PRKG1: variants seen among roughly 807,000 people sequenced by gnomAD.
The protein encoded by PRKG1 is cGMP-dependent protein kinase 1.
A neutral mutation model predicts 88.1 loss-of-function variants in PRKG1; 35 were observed. That is an observed-to-expected ratio of 0.40 (90% CI 0.30 to 0.53). The LOEUF (loss-of-function observed/expected upper bound fraction) is 0.53, where lower values mean the gene tolerates loss of function less well. Among genes scored for constraint, PRKG1 ranks in the 20% least tolerant of loss-of-function variants. The pLI, the probability that PRKG1 is intolerant of heterozygous loss-of-function variation, is 0.59. For missense variants in PRKG1, 540 were observed against 839.8 expected (o/e 0.64, Z 4.41); for synonymous variants, 303 against 292.5 (o/e 1.04, Z -0.37).
chr10:51,370,458 GAA>G (rs374505957), intron 2 of PRKG1, among the ~76,000 whole-genome samples: 8 of 150,692 alleles, frequency 5.3e-5, no homozygotes, highest in African/African-American at 2.0e-4. Context: ...ATGGGGTTAA[GAA>G]AGAGAGAGAG....
intron 8 of PRKG1, among the ~76,000 whole-genome samples, chr10:52,140,941 G>A (rs563598013): frequency 4.9e-4 from 74 of 152,208 alleles, no homozygotes; most frequent in African/African-American, 1.7e-3. Flanking sequence ...TAACTAATAG[G>A]ATGATACACT....
At chr10:52,145,707 T>G (rs957125000) in intron 8 of PRKG1, among the ~76,000 whole-genome samples, 1 of 152,176 alleles carries the variant, frequency 6.6e-6, no homozygotes, top group Non-Finnish European at 1.5e-5. Context: ...TTTGCTTACT[T>G]TAGTATTCAC....
At chr10:52,093,649 T>C (rs1847106814) in intron 7 of PRKG1, among the ~76,000 whole-genome samples, 1 of 152,204 alleles carries the variant, frequency 6.6e-6, no homozygotes, top group Non-Finnish European at 1.5e-5. Flanking sequence ...CAGATAGCTC[T>C]TGCAAAAAAT....
chr10:52,162,006 G>C, intron 9 of PRKG1, 43 bp downstream of exon 9: 2 of 1,515,514 alleles, frequency 1.3e-6, no homozygotes, highest in Non-Finnish European at 1.8e-6. Flanking sequence ...AAATGATTTT[G>C]AATAGAAATA....
intron 5 of PRKG1, among the ~76,000 whole-genome samples, chr10:51,998,756 C>T (rs1051583147): frequency 3.9e-5 from 6 of 152,054 alleles, no homozygotes; most frequent in East Asian, 3.9e-4. Flanking sequence ...TGAAGATAGT[C>T]CTCTTCTGTT....
intron 2 of PRKG1, among the ~76,000 whole-genome samples, chr10:51,407,653 T>C (rs1837958874): frequency 6.6e-6 from 1 of 152,218 alleles, no homozygotes; most frequent in South Asian, 2.1e-4. Flanking sequence ...GGTTGTGTTT[T>C]TATTTTTCCT....
At chr10:51,976,666 A>C (rs1001768703) in intron 5 of PRKG1, among the ~76,000 whole-genome samples, 1 of 151,958 alleles carries the variant, frequency 6.6e-6, no homozygotes, top group Non-Finnish European at 1.5e-5. Context: ...TGGATAAAAA[A>C]TTCTTAAGTT....
rs112799053 is a variant in PRKG1, at chr10:52,183,248, G to A, written c.1076+21285G>A. ...CTGTACCTGCCTGGGGCAGCCCACG[G>A]GCTGTTTCCTAGGCCCTTATGAATA... On this transcript the variant is annotated intron_variant, in intron 9 of 17. Transcript: ENST00000373980. 3.9e-5 allele frequency among the ~76,000 whole-genome samples: 6 copies of A among 152,296 alleles called. No individual in the cohort carries two copies. The East Asian group carries it at 7.7e-4, about 20-fold the overall frequency.
rs550057882 is a variant in PRKG1 at position 51,736,320 on chromosome 10, T to A, written c.593-68265T>A. Among the ~76,000 whole-genome samples the A allele has an allele frequency of 8.5e-5, 13 of 152,316 alleles. No individual in the cohort carries two copies. In the South Asian group the frequency reaches 2.3e-3, roughly 27 times the overall value. On this transcript the variant is annotated intron_variant, in intron 3 of 17. Coordinates refer to ENST00000373980, the MANE Select transcript of PRKG1 (RefSeq NM_006258.4). ...TAATAGAGATGCTGTCTCAATATGATGCCCAGACTGGTCTCGAACTCCTGG... is the reference window on the plus strand; with the variant it reads ...TAATAGAGATGCTGTCTCAATATGAAGCCCAGACTGGTCTCGAACTCCTGG...
chr10:51,890,316 T>C (rs1236055198), intron 4 of PRKG1, among the ~76,000 whole-genome samples: 1 of 152,242 alleles, frequency 6.6e-6, no homozygotes, highest in African/African-American at 2.4e-5. Flanking sequence ...CTTTGGATTA[T>C]GACATTTGAC....
At chr10:51,557,525 G>A (rs1837345235) in intron 3 of PRKG1, among the ~76,000 whole-genome samples, 1 of 151,956 alleles carries the variant, frequency 6.6e-6, no homozygotes, top group Non-Finnish European at 1.5e-5. Flanking sequence ...TACACTCCTG[G>A]AATTTCAGTT....
intron 2 of PRKG1, among the ~76,000 whole-genome samples, chr10:51,235,132 A>T (rs1190723852): frequency 6.6e-6 from 1 of 152,154 alleles, no homozygotes; most frequent in Admixed American, 6.6e-5. Flanking sequence ...AGCCAGAGTT[A>T]CCTTCCATAG....
intron 2 of PRKG1, among the ~76,000 whole-genome samples, chr10:51,162,154 C>G (rs1846379338): frequency 6.6e-6 from 1 of 152,134 alleles, no homozygotes. Context: ...ATTGTTTTGG[C>G]ACACTCTCCA....
intron 3 of PRKG1, among the ~76,000 whole-genome samples, chr10:51,772,219 T>C (rs527242159): frequency 6.6e-6 from 1 of 152,180 alleles, no homozygotes; most frequent in African/African-American, 2.4e-5. Context: ...GAAATATGTG[T>C]CAAACATTTT....
chr10:51,966,839 G>A (rs984371630), intron 5 of PRKG1, among the ~76,000 whole-genome samples: 5 of 152,134 alleles, frequency 3.3e-5, no homozygotes. Flanking sequence ...TCAGAGAAAT[G>A]CAAATCAAAA....
At chr10:51,463,228 T>G (rs1839792181) in intron 2 of PRKG1, among the ~76,000 whole-genome samples, 1 of 152,200 alleles carries the variant, frequency 6.6e-6, no homozygotes, top group African/African-American at 2.4e-5. Context: ...GATATCACAT[T>G]AATCAATGAA....
intron 7 of PRKG1, among the ~76,000 whole-genome samples, chr10:52,115,468 T>C (rs1467448733): frequency 6.6e-6 from 1 of 152,180 alleles, no homozygotes; most frequent in African/African-American, 2.4e-5. Flanking sequence ...ATACTTCTCA[T>C]TTTATTTCAC....
At position 51,317,550 on chromosome 10, in the gene PRKG1, C is replaced by T. The variant is rs1841353818; in HGVS notation, c.479-150173C>T. Among the ~76,000 whole-genome samples, 2 of 152,084 alleles carry T rather than the reference C, an allele frequency of 1.3e-5. 1 individual carries two copies. Among genetic ancestry groups the T allele is most frequent in the Admixed American group, 1.3e-4 (2 of 15,258 alleles). On this transcript the variant is annotated intron_variant, in intron 2 of 17. Coordinates refer to ENST00000373980, the MANE Select transcript of PRKG1 (RefSeq NM_006258.4). Reference sequence around the variant, plus strand: ...CCTAAACAGAATAAACTGGTGACATCTCAAAGTAGTTGAAAGGGAAAGAAG... The same window carrying T: ...CCTAAACAGAATAAACTGGTGACATTTCAAAGTAGTTGAAAGGGAAAGAAG...
chr10:51,492,887 T>G (rs1373491768), intron 3 of PRKG1, among the ~76,000 whole-genome samples: 1 of 152,118 alleles, frequency 6.6e-6, no homozygotes, highest in African/African-American at 2.4e-5. Flanking sequence ...AGCCTGCACA[T>G]CAAGTAGAAA....
Sources: allele counts gnomAD v4.1 joint callset (sites outside exome capture counted in the v4.1 genomes callset), GRCh38; gene constraint gnomAD v4.1.1; transcripts MANE v1.5; gene names NCBI Gene and HGNC (gene_info 2026-07-23, HGNC 2026-07-21).